The following ZNF680 variants were observed in gnomAD, a reference collection of about 807,000 sequenced individuals.
The protein encoded by ZNF680 is zinc finger protein 680, also known as hypothetical protein FLJ90430.
In ZNF680, 6 loss-of-function variants were observed where a neutral mutation model predicts 12.1. The observed-to-expected ratio is 0.49, with a 90% confidence interval of 0.27 to 0.98. ZNF680 has a LOEUF of 0.98. Ranked by LOEUF, ZNF680 falls within the 50% of genes least tolerant of loss-of-function variation. The probability of loss-of-function intolerance (pLI) is 0.12; values close to 1 mark genes in which losing one functional copy is unlikely to be tolerated. For synonymous variants in ZNF680, 170 were observed against 199.3 expected, an observed-to-expected ratio of 0.85 and a Z score of 1.24; for missense variants, 561 against 616.3, an observed-to-expected ratio of 0.91 and a Z score of 0.95.
At chr7:64,526,454 G>C (rs1164846171) in intron 3 of ZNF680, 7 of 1,416,170 alleles carry the variant, frequency 4.9e-6, no homozygotes, top group Non-Finnish European at 6.7e-6. Context: ...CTTTAGGGAG[G>C]CCAAGGCAGT....
At chr7:64,545,850 T>C (rs1365758608) in intron 1 of ZNF680, among the ~76,000 whole-genome samples, 1 of 152,182 alleles carries the variant, frequency 6.6e-6, no homozygotes, top group African/African-American at 2.4e-5. Flanking sequence ...TTACATGTTC[T>C]TTTTCTTTAC....
intron 3 of ZNF680, among the ~76,000 whole-genome samples, chr7:64,537,873 T>C (rs935240802): frequency 1.3e-5 from 2 of 151,884 alleles, no homozygotes; most frequent in Admixed American, 6.6e-5. Flanking sequence ...GAGCTTGCAG[T>C]GAGCTGAGAT....
the ZNF680 span, among the ~76,000 whole-genome samples, chr7:64,505,368 T>C: frequency 3.3e-5 from 5 of 152,260 alleles, no homozygotes; most frequent in Admixed American, 6.5e-5. Flanking sequence ...CCCTCTGTAA[T>C]TAGATGTCAA....
the ZNF680 span, among the ~76,000 whole-genome samples, chr7:64,512,971 A>C: frequency 1.3e-5 from 2 of 152,216 alleles, no homozygotes; most frequent in Non-Finnish European, 2.9e-5. Context: ...ATAGGTAATC[A>C]AAATTATTCT....
chr7:64,504,562 A>G, the ZNF680 span, among the ~76,000 whole-genome samples: 4 of 152,228 alleles, frequency 2.6e-5, no homozygotes, highest in Admixed American at 2.6e-4. Flanking sequence ...TTTGTGAGGC[A>G]GAGTAGGATT....
the ZNF680 span, among the ~76,000 whole-genome samples, chr7:64,503,569 T>TG: frequency 6.6e-6 from 1 of 151,994 alleles, no homozygotes; most frequent in Non-Finnish European, 1.5e-5. Context: ...TTAGGAGAGA[T>TG]GGGGTTTCAC....
Position 64,544,215 on chromosome 7 carries a change from A to C in ZNF680, c.157+91T>G, listed in dbSNP as rs928491245. 39 of 1,495,506 alleles carry C rather than the reference A, an allele frequency of 2.6e-5. No individual in the cohort carries two copies. The African/African-American group carries it at 4.7e-4, about 18-fold the overall frequency. 92.6% of individuals were successfully genotyped at this position (1,495,506 alleles called of 1,614,324 possible). A position where few individuals can be genotyped will look rare whatever the true frequency, so the allele number is the denominator to read the frequency against. On this transcript the variant is annotated intron_variant, in intron 2 of 3. Coordinates refer to ENST00000309683, the MANE Select transcript of ZNF680 (RefSeq NM_178558.5). ...GAAAACAGGGATCTGAAACTCATTT[A>C]TGCAAAGCACAAATTACCACAAGTT...
chr7:64,512,458 A>C, the ZNF680 span, among the ~76,000 whole-genome samples: 6 of 21,258 alleles, frequency 2.8e-4, no homozygotes, highest in East Asian at 2.6e-3. Flanking sequence ...CGTCTCCAGC[A>C]AAAAAAAAAA....
At chr7:64,499,674 G>A in the ZNF680 span, among the ~76,000 whole-genome samples, 2 of 152,186 alleles carry the variant, frequency 1.3e-5, no homozygotes, top group Non-Finnish European at 2.9e-5. Flanking sequence ...AACCAAGGAG[G>A]TGGAGGTTGC....
chr7:64,536,734 C>T (rs1786189524), intron 3 of ZNF680, among the ~76,000 whole-genome samples: 1 of 152,180 alleles, frequency 6.6e-6, no homozygotes, highest in Non-Finnish European at 1.5e-5. Flanking sequence ...CTTATTTGCA[C>T]CTAGTGTATT....
intron 1 of ZNF680, 32 bp downstream of exon 1, chr7:64,562,893 C>T: frequency 1.9e-6 from 3 of 1,613,320 alleles, no homozygotes; most frequent in South Asian, 2.2e-5. Flanking sequence ...CAGCCCCTCC[C>T]CCTCTCTCGG....
chr7:64,506,490 G>C, the ZNF680 span, among the ~76,000 whole-genome samples: 1 of 151,868 alleles, frequency 6.6e-6, no homozygotes, highest in Non-Finnish European at 1.5e-5. Flanking sequence ...ACCCAGCCTA[G>C]TCTTTTAGTT....
At chr7:64,556,799 T>G (rs890902331) in intron 1 of ZNF680, among the ~76,000 whole-genome samples, 1 of 152,138 alleles carries the variant, frequency 6.6e-6, no homozygotes, top group Non-Finnish European at 1.5e-5. Flanking sequence ...AAGCAAAACT[T>G]GATAAATGGG....
rs549186247 is a variant in ZNF680 at position 64,534,461 on chromosome 7, A to T, written c.253+9246T>A. 7.9e-5 allele frequency among the ~76,000 whole-genome samples: 12 copies of T among 152,328 alleles called. No individual in the cohort carries two copies. The South Asian group carries it at 2.1e-3, about 26-fold the overall frequency. ...GAAATGCATATCAAAACCATAATGC[A>T]GTACCACCTTACTTTTGCAAGAATG... On this transcript the variant is annotated intron_variant, in intron 3 of 3. Transcript: ENST00000309683.
chr7:64,557,832 G>A (rs1332771133), intron 1 of ZNF680, among the ~76,000 whole-genome samples: 1 of 152,170 alleles, frequency 6.6e-6, no homozygotes, highest in Non-Finnish European at 1.5e-5. Flanking sequence ...GACAAAGAGA[G>A]GAAAAACAGA....
chr7:64,537,763 T>G (rs1786249800), intron 3 of ZNF680, among the ~76,000 whole-genome samples: 1 of 107,816 alleles, frequency 9.3e-6, no homozygotes, highest in African/African-American at 3.9e-5. Flanking sequence ...CTGTCTCTAC[T>G]AAAAATACAA....
At chr7:64,501,192 G>A in the ZNF680 span, 2 of 868,514 alleles carry the variant, frequency 2.3e-6, no homozygotes, top group Admixed American at 1.7e-5. Context: ...CTCTTGACTT[G>A]GACTATGACT....
intron 3 of ZNF680, chr7:64,524,999 A>G (rs1247509747): frequency 6.6e-6 from 1 of 152,158 alleles, no homozygotes; most frequent in East Asian, 1.9e-4. Flanking sequence ...ATTTAATGCA[A>G]TGTTGTTCAA....
the ZNF680 span, chr7:64,501,807 ATCT>A: frequency 9.2e-5 from 60 of 650,690 alleles, no homozygotes; most frequent in Admixed American, 4.0e-4. Context: ...TTTTTACCAG[ATCT>A]TCTTCTCTAG....
Sources: gnomAD v4.1 joint callset for allele counts (sites outside exome capture counted in the v4.1 genomes callset) on GRCh38, gnomAD v4.1.1 for gene constraint, MANE v1.5 for transcripts, NCBI Gene and HGNC (gene_info 2026-07-23, HGNC 2026-07-21) for gene names.